The following ADARB2 variants were observed in gnomAD, a reference collection of about 807,000 sequenced individuals.
The protein encoded by ADARB2 is adenosine deaminase RNA specific B2 (inactive), also known as inactive double-stranded RNA-specific editase B2.
In ADARB2, 25 loss-of-function variants were observed where a neutral mutation model predicts 62.2. The ratio of observed to expected loss-of-function variants is 0.40; its 90% CI spans 0.29 to 0.56. ADARB2 has a LOEUF of 0.56. Among genes scored for constraint, ADARB2 ranks in the 20% least tolerant of loss-of-function variants. The probability of loss-of-function intolerance (pLI) is 0.43; values close to 1 mark genes in which losing one functional copy is unlikely to be tolerated. For synonymous variants in ADARB2, 572 were observed against 500.8 expected (o/e 1.14, Z -1.90); for missense variants, 1,071 against 1,077.4 (o/e 0.99, Z 0.08).
chr10:1,553,562 C>T (rs978128926), intron 1 of ADARB2, among the ~76,000 whole-genome samples: 1 of 152,184 alleles, frequency 6.6e-6, no homozygotes, highest in Non-Finnish European at 1.5e-5. Context: ...ATCAAAGGAA[C>T]GCGATGCTCT....
At chr10:1,443,785 G>T (rs1248661476) in intron 1 of ADARB2, among the ~76,000 whole-genome samples, 2 of 152,228 alleles carry the variant, frequency 1.3e-5, no homozygotes, top group Non-Finnish European at 2.9e-5. Context: ...TGCAAGAGAT[G>T]ATAAAAACTA....
At chr10:1,696,744 T>C (rs1254433098) in intron 1 of ADARB2, among the ~76,000 whole-genome samples, 1 of 152,162 alleles carries the variant, frequency 6.6e-6, no homozygotes, top group Admixed American at 6.5e-5. Context: ...GCTCAGGACC[T>C]GGGACCTGGG....
intron 6 of ADARB2, among the ~76,000 whole-genome samples, chr10:1,227,160 T>C (rs1009249396): frequency 6.6e-6 from 1 of 152,098 alleles, no homozygotes; most frequent in South Asian, 2.1e-4. Flanking sequence ...TCTGGACTGC[T>C]GTGCTAGCAA....
chr10:1,219,700 ATGG>A (rs906046086), intron 6 of ADARB2, among the ~76,000 whole-genome samples: 2 of 151,880 alleles, frequency 1.3e-5, no homozygotes, highest in Admixed American at 1.3e-4. Context: ...AATGGAGGTA[ATGG>A]TGGTGGTGAT....
intron 1 of ADARB2, among the ~76,000 whole-genome samples, chr10:1,389,544 A>G (rs2131865129): frequency 6.6e-6 from 1 of 152,246 alleles, no homozygotes; most frequent in South Asian, 2.1e-4. Context: ...CTTCCAAAAG[A>G]CCAGCCTGGG....
intron 3 of ADARB2, among the ~76,000 whole-genome samples, chr10:1,354,221 T>C (rs1832172399): frequency 6.6e-6 from 1 of 152,190 alleles, no homozygotes; most frequent in Non-Finnish European, 1.5e-5. Flanking sequence ...AAGACAGGAA[T>C]GTCAGGCCTC....
chr10:1,397,841 A>C (rs1248502823), intron 1 of ADARB2, among the ~76,000 whole-genome samples: 8 of 50,298 alleles, frequency 1.6e-4, no homozygotes, highest in East Asian at 6.5e-4. Flanking sequence ...GGTCACCATC[A>C]GCCTCTCCCC....
At chr10:1,184,111 G>A (rs904610860) in intron 9 of ADARB2, among the ~76,000 whole-genome samples, 2 of 152,218 alleles carry the variant, frequency 1.3e-5, no homozygotes, top group African/African-American at 2.4e-5. Context: ...GAGCTAATAT[G>A]TGCAATTCTG....
chr10:1,272,123 C>T (rs1257243861), intron 3 of ADARB2, among the ~76,000 whole-genome samples: 3 of 152,216 alleles, frequency 2.0e-5, no homozygotes, highest in Non-Finnish European at 2.9e-5. Flanking sequence ...TCATCTCCCC[C>T]AGTCACCACA....
chr10:1,692,020 G>C (rs1834679596), intron 1 of ADARB2, among the ~76,000 whole-genome samples: 1 of 152,174 alleles, frequency 6.6e-6, no homozygotes, highest in Non-Finnish European at 1.5e-5. Flanking sequence ...GCTGTCTCCT[G>C]ATGCACAGCA....
At chr10:1,698,942 G>T (rs1834783979) in intron 1 of ADARB2, among the ~76,000 whole-genome samples, 1 of 152,116 alleles carries the variant, frequency 6.6e-6, no homozygotes, top group Non-Finnish European at 1.5e-5. Context: ...TGTATTTTTA[G>T]TAGAGATTGG....
Position 1,332,024 on chromosome 10 carries a change from T to C in ADARB2, c.1077+31004A>G, listed in dbSNP as rs1353267691. Among the ~76,000 whole-genome samples the C allele has an allele frequency of 4.6e-5, 7 of 152,240 alleles. No individual in the cohort carries two copies. The East Asian group carries it at 1.3e-3, about 29-fold the overall frequency. On this transcript the variant is annotated intron_variant, in intron 3 of 9. Coordinates refer to ENST00000381312, the MANE Select transcript of ADARB2 (RefSeq NM_018702.4). ...ATTGGCTGCAACACTTGGCTTTGGT[T>C]GACAGGGCTCAGGGTGCCATCTGCC...
chr10:1,348,706 G>T (rs1832105336), intron 3 of ADARB2, among the ~76,000 whole-genome samples: 1 of 152,206 alleles, frequency 6.6e-6, no homozygotes, highest in African/African-American at 2.4e-5. Context: ...ATGGGGTCCA[G>T]GTCCCGACTG....
At chr10:1,223,178 A>G (rs556647164) in intron 6 of ADARB2, among the ~76,000 whole-genome samples, 264 of 152,228 alleles carry the variant, frequency 1.7e-3, no homozygotes, top group African/African-American at 6.0e-3. Context: ...CTTTGAAGCA[A>G]TTGTGAATGG....
intron 4 of ADARB2, among the ~76,000 whole-genome samples, chr10:1,243,438 G>C (rs1830946841): frequency 1.3e-5 from 2 of 152,234 alleles, no homozygotes; most frequent in African/African-American, 4.8e-5. Context: ...CCAGAAGCAG[G>C]CTTCCCTCCC....
At chr10:1,719,267 C>A (rs1260354281) in intron 1 of ADARB2, among the ~76,000 whole-genome samples, 2 of 152,136 alleles carry the variant, frequency 1.3e-5, no homozygotes, top group Non-Finnish European at 2.9e-5. Context: ...CCTGGCCCAC[C>A]TTTACCTTCT....
intron 1 of ADARB2, among the ~76,000 whole-genome samples, chr10:1,656,472 T>C (rs577978850): frequency 6.6e-6 from 1 of 152,122 alleles, no homozygotes; most frequent in African/African-American, 2.4e-5. Flanking sequence ...ATTAGATAGC[T>C]TCACTTTCAT....
chr10:1,563,020 C>T (rs1373347229), intron 1 of ADARB2, among the ~76,000 whole-genome samples: 2 of 152,198 alleles, frequency 1.3e-5, no homozygotes, highest in African/African-American at 4.8e-5. Flanking sequence ...GTGGTGAGAA[C>T]GTCATTCACT....
intron 7 of ADARB2, among the ~76,000 whole-genome samples, chr10:1,210,063 G>C (rs1044908174): frequency 1.3e-5 from 2 of 152,130 alleles, no homozygotes; most frequent in African/African-American, 4.8e-5. Context: ...TATCACTATG[G>C]GTATTATTGG....
Sources: gnomAD v4.1 joint callset for allele counts (sites outside exome capture counted in the v4.1 genomes callset) on GRCh38, gnomAD v4.1.1 for gene constraint, MANE v1.5 for transcripts, NCBI Gene and HGNC (gene_info 2026-07-23, HGNC 2026-07-21) for gene names.